CAB39: variants seen among roughly 807,000 people sequenced by gnomAD.
CAB39 encodes calcium binding protein 39, also known as calcium-binding protein 39.
In CAB39, 8 loss-of-function variants were observed where a neutral mutation model predicts 40.0. That is an observed-to-expected ratio of 0.20 (90% CI 0.12 to 0.36). CAB39 has a LOEUF of 0.36. Among genes scored for constraint, CAB39 ranks in the 10% least tolerant of loss-of-function variants. The pLI, the probability that CAB39 is intolerant of heterozygous loss-of-function variation, is 1.00. For missense variants in CAB39, 270 were observed against 401.1 expected (o/e 0.67, Z 2.79); for synonymous variants, 156 against 141.6 (o/e 1.10, Z -0.72).
intron 1 of CAB39, among the ~76,000 whole-genome samples, chr2:230,741,371 T>C (rs1016898299): frequency 1.3e-5 from 2 of 152,234 alleles, no homozygotes; most frequent in African/African-American, 2.4e-5. Flanking sequence ...GACACAAGGA[T>C]ACAGGTCTAC....
chr2:230,733,877 G>C (rs149423678), intron 1 of CAB39, among the ~76,000 whole-genome samples: 37 of 152,280 alleles, frequency 2.4e-4, no homozygotes, highest in African/African-American at 7.0e-4. Flanking sequence ...ATTTGCATTT[G>C]CTTATATAAT....
chr2:230,739,548 G>A (rs1189719470), intron 1 of CAB39, among the ~76,000 whole-genome samples: 2 of 152,208 alleles, frequency 1.3e-5, no homozygotes, highest in Admixed American at 1.3e-4. Context: ...AGGCTGGAGT[G>A]GAATGGCGCG....
rs1373574313 is a variant in CAB39 at position 230,748,829 on chromosome 2, AAAATATATAT to A, written c.-43-11128_-43-11119del. Among the ~76,000 whole-genome samples, 318 of 46,324 alleles carry A rather than the reference AAAATATATAT, an allele frequency of 6.9e-3. 1 individual carries two copies. Among genetic ancestry groups the A allele is most frequent in the African/African-American group, 0.028 (293 of 10,614 alleles). 30.4% of individuals were successfully genotyped at this position (46,324 alleles called of 152,430 possible). A position where few individuals can be genotyped will look rare whatever the true frequency, so the allele number is the denominator to read the frequency against. ...TTCCAAAAAGAAAAAAAAAAAAAAA[AAAATATATAT>A]ATATATATATATATATATATATATA... On this transcript the variant is annotated intron_variant, in intron 1 of 8. Coordinates refer to ENST00000258418, the MANE Select transcript of CAB39 (RefSeq NM_016289.4).
intron 1 of CAB39, among the ~76,000 whole-genome samples, chr2:230,756,885 G>T (rs1003724403): frequency 6.6e-6 from 1 of 152,240 alleles, no homozygotes; most frequent in Non-Finnish European, 1.5e-5. Flanking sequence ...TAGAGATGGG[G>T]TTTCACCATG....
intron 2 of CAB39, among the ~76,000 whole-genome samples, chr2:230,771,001 T>G (rs1042655582): frequency 6.6e-6 from 1 of 152,202 alleles, no homozygotes; most frequent in African/African-American, 2.4e-5. Flanking sequence ...ATATCTACTT[T>G]CACCACAACT....
chr2:230,738,203 G>A (rs1228844379), intron 1 of CAB39, among the ~76,000 whole-genome samples: 1 of 152,256 alleles, frequency 6.6e-6, no homozygotes, highest in East Asian at 1.9e-4. Context: ...ATGGATTTAA[G>A]TCTTCTGTAT....
chr2:230,779,249 C>T (rs1405037771), intron 2 of CAB39: 1 of 152,236 alleles, frequency 6.6e-6, no homozygotes, highest in Non-Finnish European at 1.5e-5. Context: ...ATCTGAGAAG[C>T]TTTGCCAAGC....
chr2:230,818,886 C>G lies in CAB39; in HGVS notation c.*182C>G. 1 of 540,238 alleles carries G rather than the reference C, an allele frequency of 1.9e-6. No individual in the cohort carries two copies. Among genetic ancestry groups the G allele is most frequent in the Non-Finnish European group, 3.3e-6 (1 of 301,666 alleles). The allele number at this position is 540,238 out of a possible 1,614,324, so 33.5% of individuals were successfully genotyped here. On this transcript the variant is annotated 3_prime_UTR_variant, in exon 9 of 9. Coordinates refer to ENST00000258418, the MANE Select transcript of CAB39 (RefSeq NM_016289.4). ...GATCGTAGCTGCTGCTGCTTGCACA[C>G]TAGGGCACATGTGGGCTTTCTCTTG...
intron 2 of CAB39, among the ~76,000 whole-genome samples, chr2:230,782,817 T>TTTC (rs1479651223): frequency 0.013 from 981 of 74,458 alleles, 9 homozygotes; most frequent in Admixed American, 0.024. Flanking sequence ...TTCTTTCTTT[T>TTTC]TTTTTTTTTT....
chr2:230,805,423 TG>T (rs1696174383), intron 5 of CAB39, among the ~76,000 whole-genome samples: 1 of 151,276 alleles, frequency 6.6e-6, no homozygotes, highest in Non-Finnish European at 1.5e-5. Context: ...CAAAAAAAAA[TG>T]GCTTCTGAGC....
intron 1 of CAB39, among the ~76,000 whole-genome samples, chr2:230,724,066 G>C (rs1694505296): frequency 6.6e-6 from 1 of 151,938 alleles, no homozygotes; most frequent in Non-Finnish European, 1.5e-5. Context: ...GGGCAACATG[G>C]TGAAACCCTG....
chr2:230,772,748 G>T (rs557958891), intron 2 of CAB39, among the ~76,000 whole-genome samples: 1 of 152,036 alleles, frequency 6.6e-6, no homozygotes, highest in South Asian at 2.1e-4. Context: ...GCCTCCCAAA[G>T]TGCTGGGATT....
At chr2:230,780,627 G>A (rs1450969716) in intron 2 of CAB39, among the ~76,000 whole-genome samples, 2 of 152,122 alleles carry the variant, frequency 1.3e-5, no homozygotes, top group Non-Finnish European at 2.9e-5. Context: ...ATTCAATGTC[G>A]ATTATGCATT....
chr2:230,798,609 C>A, intron 4 of CAB39, 120 bp from the exon 5 acceptor site: 1 of 733,556 alleles, frequency 1.4e-6, no homozygotes, highest in Non-Finnish European at 2.2e-6. Flanking sequence ...CTGCGATGGT[C>A]ATTTAGTTAG....
intron 3 of CAB39, 83 bp from the exon 4 acceptor site, chr2:230,793,130 C>A: frequency 2.7e-6 from 2 of 732,796 alleles, no homozygotes; most frequent in Non-Finnish European, 4.9e-6. Context: ...AGTACAATGG[C>A]CTTATTCGAG....
At chr2:230,764,592 C>G (rs560124750) in intron 2 of CAB39, among the ~76,000 whole-genome samples, 1 of 152,166 alleles carries the variant, frequency 6.6e-6, no homozygotes, top group African/African-American at 2.4e-5. Flanking sequence ...CACCACTGAT[C>G]TCATTAGAAG....
At chr2:230,782,813 C>CTTTTTTTT (rs1212977897) in intron 2 of CAB39, among the ~76,000 whole-genome samples, 11 of 81,754 alleles carry the variant, frequency 1.3e-4, no homozygotes, top group African/African-American at 3.1e-4. Flanking sequence ...TTCTTTCTTT[C>CTTTTTTTT]TTTTTTTTTT....
intron 2 of CAB39, among the ~76,000 whole-genome samples, chr2:230,780,881 A>AG (rs1394185098): frequency 2.0e-5 from 3 of 152,132 alleles, no homozygotes; most frequent in African/African-American, 7.2e-5. Flanking sequence ...CAGGAGTTTG[A>AG]GACCAGCCTG....
intron 1 of CAB39, among the ~76,000 whole-genome samples, chr2:230,746,983 T>A (rs544966679): frequency 6.6e-6 from 1 of 152,334 alleles, no homozygotes; most frequent in East Asian, 1.9e-4. Context: ...ATAATCAAGA[T>A]TTTAAAAATC....
Sources: allele counts gnomAD v4.1 joint callset (sites outside exome capture counted in the v4.1 genomes callset), GRCh38; gene constraint gnomAD v4.1.1; transcripts MANE v1.5; gene names NCBI Gene and HGNC (gene_info 2026-07-23, HGNC 2026-07-21).